PRKN: variants seen among roughly 807,000 people sequenced by gnomAD.
PRKN encodes the protein E3 ubiquitin-protein ligase parkin.
A neutral mutation model predicts 59.5 loss-of-function variants in PRKN; 56 were observed. The observed-to-expected ratio is 0.94, with a 90% confidence interval of 0.76 to 1.18. The LOEUF (loss-of-function observed/expected upper bound fraction) is 1.18. Ranked by LOEUF, PRKN falls within the 50% of genes most tolerant of loss-of-function variation. The pLI, the probability that PRKN is intolerant of heterozygous loss-of-function variation, is 0.00. For missense variants in PRKN, 657 were observed against 596.4 expected (o/e 1.10, Z -1.06); for synonymous variants, 250 against 222.1 (o/e 1.13, Z -1.12).
intron 5 of PRKN, among the ~76,000 whole-genome samples, chr6:161,992,592 T>C (rs7742640): frequency 0.23 from 35,585 of 152,096 alleles, 4,728 homozygotes; most frequent in African/African-American, 0.37. Flanking sequence ...ATTGCACTTA[T>C]GACCAAATGG....
At chr6:162,483,012 T>A (rs1792375690) in intron 1 of PRKN, among the ~76,000 whole-genome samples, 1 of 152,184 alleles carries the variant, frequency 6.6e-6, no homozygotes, top group Admixed American at 6.5e-5. Flanking sequence ...GACCCAGAAA[T>A]GACTCTATGA....
chr6:161,547,632 C>T lies in PRKN; in HGVS notation c.1083+1222G>A, dbSNP rs1488742016. Among the ~76,000 whole-genome samples, 1 of 152,204 alleles carries T rather than the reference C, an allele frequency of 6.6e-6. No homozygotes were observed. Among genetic ancestry groups the T allele is most frequent in the African/African-American group, 2.4e-5 (1 of 41,456 alleles). On this transcript the variant is annotated intron_variant, in intron 9 of 11. Transcript: ENST00000366898. This position sits in a 1 kb window ranked among gnomAD's most constrained non-coding sequence, Gnocchi z 4.0. ...AGTTAAAAACAATTCATTAAAAGCT[C>T]ATTTTAAAAGACAACATTTGCTAGC...
chr6:162,102,814 C>G (rs573608741), intron 4 of PRKN, among the ~76,000 whole-genome samples: 9 of 152,034 alleles, frequency 5.9e-5, no homozygotes, highest in African/African-American at 2.2e-4. Flanking sequence ...GAGGCCGAGG[C>G]AGGCGGATCA....
rs1234389423 is a variant in PRKN at position 161,413,502 on chromosome 6, T to TG, written c.1084-26626dup. Among the ~76,000 whole-genome samples, 1 of 151,956 alleles carries TG rather than the reference T, an allele frequency of 6.6e-6. No individual in the cohort carries two copies. Among genetic ancestry groups the TG allele is most frequent in the Admixed American group, 6.6e-5 (1 of 15,262 alleles). Reference sequence around the variant, plus strand: ...TGGAAGCCAAGTGGGCATGCTGCAGTGAGAACTGGGGGAGAAGGCCGGAAC... The same window carrying TG: ...TGGAAGCCAAGTGGGCATGCTGCAGTGGAGAACTGGGGGAGAAGGCCGGAAC... On this transcript the variant is annotated intron_variant, in intron 9 of 11. Transcript: ENST00000366898. This position sits in a 1 kb window ranked among gnomAD's most constrained non-coding sequence, Gnocchi z 4.4.
chr6:161,743,277 T>C (rs1341394845), intron 7 of PRKN, among the ~76,000 whole-genome samples: 1 of 134,262 alleles, frequency 7.4e-6, no homozygotes, highest in Non-Finnish European at 1.5e-5. Context: ...TGGAGTGCAG[T>C]GGTGCAATCT....
chr6:161,522,568 CA>C (rs757371851), intron 9 of PRKN, among the ~76,000 whole-genome samples: 9 of 152,224 alleles, frequency 5.9e-5, no homozygotes, highest in Non-Finnish European at 1.3e-4. Context: ...ACTGTCATCT[CA>C]ATTTAGGACA....
chr6:161,511,590 G>A (rs189332532), intron 9 of PRKN, among the ~76,000 whole-genome samples: 2 of 152,240 alleles, frequency 1.3e-5, no homozygotes, highest in East Asian at 3.9e-4. Flanking sequence ...CATGACAATT[G>A]ACTGGACACG....
At chr6:162,629,857 G>A (rs994086781) in intron 1 of PRKN, among the ~76,000 whole-genome samples, 10 of 152,176 alleles carry the variant, frequency 6.6e-5, no homozygotes, top group African/African-American at 9.7e-5. Flanking sequence ...TGACTGAATA[G>A]CATGTCAGAG....
chr6:162,269,196 C>G (rs542787977), intron 2 of PRKN, among the ~76,000 whole-genome samples: 6 of 152,130 alleles, frequency 3.9e-5, no homozygotes, highest in Non-Finnish European at 8.8e-5. Flanking sequence ...CTTATCACGT[C>G]GTATTGTAGT....
At chr6:162,708,511 C>T (rs1023008154) in intron 1 of PRKN, among the ~76,000 whole-genome samples, 7 of 152,206 alleles carry the variant, frequency 4.6e-5, no homozygotes, top group Middle Eastern at 3.2e-3. Context: ...TTTGAAACAA[C>T]CTAACACGGC....
Position 161,461,955 on chromosome 6 carries a change from C to T in PRKN, c.1084-75078G>A, listed in dbSNP as rs2115166821. Among the ~76,000 whole-genome samples, 1 of 152,114 alleles carries T rather than the reference C, an allele frequency of 6.6e-6. No homozygotes were observed. The highest frequency in any genetic ancestry group is 2.1e-4 in the South Asian group (1 of 4,820). Reference sequence around the variant, plus strand: ...CCAAGGATGGTCACCTTGAAAATAACAGCGGTTAAAGGGCAGGTGGAAGAC... The same window carrying T: ...CCAAGGATGGTCACCTTGAAAATAATAGCGGTTAAAGGGCAGGTGGAAGAC... On this transcript the variant is annotated intron_variant, in intron 9 of 11. Coordinates refer to ENST00000366898, the MANE Select transcript of PRKN (RefSeq NM_004562.3). This position sits in a 1 kb window ranked among gnomAD's most constrained non-coding sequence, Gnocchi z 5.1.
intron 2 of PRKN, among the ~76,000 whole-genome samples, chr6:162,421,123 C>T (rs1443388318): frequency 6.6e-6 from 1 of 152,164 alleles, no homozygotes; most frequent in African/African-American, 2.4e-5. Context: ...CTTAACAGAA[C>T]TCCAGGTAAT....
At chr6:161,647,255 T>G (rs933401542) in intron 7 of PRKN, among the ~76,000 whole-genome samples, 2 of 152,194 alleles carry the variant, frequency 1.3e-5, no homozygotes, top group African/African-American at 4.8e-5. Flanking sequence ...ACTGTTATCT[T>G]CTGAACAGTA....
intron 5 of PRKN, among the ~76,000 whole-genome samples, chr6:162,031,436 C>T (rs1295438439): frequency 1.3e-5 from 2 of 151,888 alleles, no homozygotes; most frequent in Non-Finnish European, 2.9e-5. Flanking sequence ...TAGGCAAGAG[C>T]AGCATTTATA....
intron 6 of PRKN, among the ~76,000 whole-genome samples, chr6:161,845,131 T>G (rs1403865423): frequency 2.0e-5 from 3 of 152,288 alleles, no homozygotes; most frequent in South Asian, 2.1e-4. Context: ...AATCAACTCT[T>G]AAACAGTAAA....
At chr6:161,986,711 A>C (rs1238657026) in intron 5 of PRKN, among the ~76,000 whole-genome samples, 1 of 150,978 alleles carries the variant, frequency 6.6e-6, no homozygotes, top group African/African-American at 2.5e-5. Context: ...CCTAACATTT[A>C]CTGCTGCTGT....
At chr6:162,174,021 C>T (rs898118763) in intron 4 of PRKN, among the ~76,000 whole-genome samples, 2 of 152,020 alleles carry the variant, frequency 1.3e-5, no homozygotes, top group African/African-American at 2.4e-5. Flanking sequence ...CTGCTCTATG[C>T]GTAATCTTTG....
chr6:162,345,721 C>T (rs1458334690), intron 2 of PRKN, among the ~76,000 whole-genome samples: 1 of 152,302 alleles, frequency 6.6e-6, no homozygotes, highest in South Asian at 2.1e-4. Context: ...CAAAGTTATA[C>T]ATTCTCTTAT....
intron 7 of PRKN, among the ~76,000 whole-genome samples, chr6:161,631,058 A>T (rs1375889314): frequency 3.3e-5 from 5 of 152,178 alleles, no homozygotes; most frequent in Non-Finnish European, 5.9e-5. Context: ...CCCTCTTGGA[A>T]CTTTGTGCTC....
Sources: gnomAD v4.1 joint callset for allele counts (sites outside exome capture counted in the v4.1 genomes callset) on GRCh38, gnomAD v4.1.1 for gene constraint, Gnocchi (gnomAD v3.1) non-coding constraint, MANE v1.5 for transcripts, NCBI Gene and HGNC (gene_info 2026-07-23, HGNC 2026-07-21) for gene names.